Variants in CAMTA1 observed in about 807,000 individuals in gnomAD.
The protein encoded by CAMTA1 is calmodulin binding transcription activator 1, also known as calmodulin-binding transcription activator 1.
A neutral mutation model predicts 170.9 loss-of-function variants in CAMTA1; 27 were observed. The ratio of observed to expected loss-of-function variants is 0.16; its 90% confidence interval spans 0.12 to 0.22. The LOEUF is 0.22. Among genes scored for constraint, CAMTA1 ranks in the 10% least tolerant of loss-of-function variants. CAMTA1 has a pLI of 1.00. For missense variants in CAMTA1, 1,619 were observed against 2,217.2 expected (o/e 0.73, Z 5.42); for synonymous variants, 833 against 891.5 (o/e 0.93, Z 1.17).
intron 3 of CAMTA1, among the ~76,000 whole-genome samples, chr1:6,850,902 C>T (rs962239905): frequency 1.3e-5 from 2 of 152,190 alleles, no homozygotes; most frequent in African/African-American, 4.8e-5. Context: ...TAGCTCCTAA[C>T]AGGTATTGAA....
At chr1:7,533,133 G>A (rs1480207563) in intron 6 of CAMTA1, among the ~76,000 whole-genome samples, 1 of 152,204 alleles carries the variant, frequency 6.6e-6, no homozygotes, top group African/African-American at 2.4e-5. Flanking sequence ...CAGTGGGGAT[G>A]TGCCCAGGAG....
intron 5 of CAMTA1, among the ~76,000 whole-genome samples, chr1:7,323,547 A>T (rs1363081960): frequency 4.0e-5 from 5 of 124,226 alleles, no homozygotes; most frequent in African/African-American, 1.5e-4. Flanking sequence ...TTTTGAGATG[A>T]AGTCTCACTC....
rs1308345349 is a variant in CAMTA1, at chr1:7,293,386, C to T, written c.438+43760C>T. 1.3e-5 allele frequency among the ~76,000 whole-genome samples: 2 copies of T among 152,104 alleles called. No individual in the cohort carries two copies. The highest frequency in any genetic ancestry group is 2.4e-5 in the African/African-American group (1 of 41,386). On this transcript the variant is annotated intron_variant, in intron 5 of 22. Coordinates refer to ENST00000303635, the MANE Select transcript of CAMTA1 (RefSeq NM_015215.4). The surrounding 1 kb of genome is among the most constrained non-coding windows in gnomAD (Gnocchi z 4.1). ...TCAGGGCTGGCATTTCTCTGGCACT[C>T]GGTGTGAGCAAAGCCCATTTGGTCG...
chr1:7,036,723 C>A (rs539770480), intron 3 of CAMTA1, among the ~76,000 whole-genome samples: 4 of 152,298 alleles, frequency 2.6e-5, no homozygotes, highest in African/African-American at 9.6e-5. Context: ...AACCTATTTT[C>A]GGGCATAGTT....
Position 6,866,384 on chromosome 1 carries a change from A to G in CAMTA1, c.234+41174A>G, listed in dbSNP as rs142505850. Among the ~76,000 whole-genome samples the G allele has an allele frequency of 1.6e-4, 24 of 152,342 alleles. 1 individual carries two copies. In the East Asian group the frequency reaches 4.4e-3, roughly 28 times the overall value. ...ACTCCTTGATGATCCAGACTGCCCT[A>G]CAGGAAGCCAGTGGAAAGATGAAAG... On this transcript the variant is annotated intron_variant, in intron 3 of 22. Transcript: ENST00000303635.
intron 5 of CAMTA1, among the ~76,000 whole-genome samples, chr1:7,432,281 AG>A (rs2092196131): frequency 6.6e-6 from 1 of 152,184 alleles, no homozygotes; most frequent in Admixed American, 6.5e-5. Flanking sequence ...AAACAGGCCC[AG>A]AGAGGGAAAG....
chr1:7,001,892 T>G (rs1329939579), intron 3 of CAMTA1, among the ~76,000 whole-genome samples: 1 of 116,608 alleles, frequency 8.6e-6, no homozygotes, highest in Non-Finnish European at 1.7e-5. Context: ...CTTCTTCTTC[T>G]TCTTCTTTTT....
intron 3 of CAMTA1, among the ~76,000 whole-genome samples, chr1:7,004,899 C>A (rs927145659): frequency 6.6e-6 from 1 of 152,194 alleles, no homozygotes; most frequent in Non-Finnish European, 1.5e-5. Context: ...TCCTGAATAG[C>A]TGGGATTACA....
intron 5 of CAMTA1, among the ~76,000 whole-genome samples, chr1:7,283,474 G>C (rs140908603): frequency 6.6e-6 from 1 of 152,218 alleles, no homozygotes; most frequent in African/African-American, 2.4e-5. Flanking sequence ...TTCTGTCCCA[G>C]TCCTCTTCTC....
At chr1:7,684,123 G>A (rs1034945014) in intron 11 of CAMTA1, among the ~76,000 whole-genome samples, 2 of 152,236 alleles carry the variant, frequency 1.3e-5, no homozygotes, top group South Asian at 2.1e-4. Flanking sequence ...GTGCCCTGCG[G>A]AGAAATGGCC....
chr1:7,663,960 C>T lies in CAMTA1; in HGVS notation c.1413C>T (p.Asp471=), dbSNP rs777871796. The change falls in exon 9 of 23, where the codon GAC becomes GAT. Residue 471 remains aspartate (D), a synonymous_variant. Coordinates refer to ENST00000303635, the MANE Select transcript of CAMTA1 (RefSeq NM_015215.4). ...AGCTGGTCCTCTCCACCACCCTCGA[C>T]GGTGGCCGGAAGATTCCAGAAACCA... is the stretch of plus-strand genomic sequence containing the variant. ...SEELVLSTTL[D]GGRKIPETTM... is the part of the protein sequence containing the mutation. 6.2e-6 allele frequency: 10 copies of T among 1,613,722 alleles called. No homozygotes were observed. Among genetic ancestry groups the T allele is most frequent in the African/African-American group, 1.3e-5 (1 of 74,936 alleles).
At chr1:7,197,530 G>A (rs2148985738) in intron 4 of CAMTA1, among the ~76,000 whole-genome samples, 1 of 151,756 alleles carries the variant, frequency 6.6e-6, no homozygotes, top group African/African-American at 2.4e-5. Context: ...CTGGGACCAG[G>A]GGGATGACTG....
chr1:7,357,733 G>A (rs143174259), intron 5 of CAMTA1, among the ~76,000 whole-genome samples: 143 of 152,102 alleles, frequency 9.4e-4, no homozygotes, highest in South Asian at 2.5e-3. Context: ...TGTGTTTTTC[G>A]TCCTTAGGGT....
intron 6 of CAMTA1, among the ~76,000 whole-genome samples, chr1:7,497,763 G>A (rs2093854200): frequency 6.6e-6 from 1 of 152,214 alleles, no homozygotes; most frequent in African/African-American, 2.4e-5. Context: ...GCAGGAGAGA[G>A]CAGACGGACT....
chr1:6,987,622 C>T (rs146906106), intron 3 of CAMTA1, among the ~76,000 whole-genome samples: 159 of 152,246 alleles, frequency 1.0e-3, no homozygotes, highest in African/African-American at 3.5e-3. Context: ...AAGTTCTGAC[C>T]GGAACAAACA....
intron 3 of CAMTA1, among the ~76,000 whole-genome samples, chr1:6,892,537 G>A (rs1188249199): frequency 6.6e-6 from 1 of 151,524 alleles, no homozygotes; most frequent in African/African-American, 2.4e-5. Context: ...ATGTCTTATT[G>A]AAACCTTGGG....
chr1:7,666,017 A>C (rs2095997963), intron 9 of CAMTA1, among the ~76,000 whole-genome samples: 1 of 151,960 alleles, frequency 6.6e-6, no homozygotes, highest in Non-Finnish European at 1.5e-5. Context: ...AAAATACAAA[A>C]AATTAACTGG....
chr1:7,651,449 T>C (rs74336519), intron 7 of CAMTA1, among the ~76,000 whole-genome samples: 6,205 of 152,168 alleles, frequency 0.041, 458 homozygotes, highest in East Asian at 0.2. Context: ...TTCCAAGAGT[T>C]ACTGCCCCAC....
chr1:7,233,741 G>T (rs1663269893), intron 4 of CAMTA1, among the ~76,000 whole-genome samples: 1 of 152,140 alleles, frequency 6.6e-6, no homozygotes, highest in South Asian at 2.1e-4. Context: ...ATTCTCGGAG[G>T]ATCCACAAAG....
Sources: gnomAD v4.1 joint callset for allele counts (sites outside exome capture counted in the v4.1 genomes callset) on GRCh38, gnomAD v4.1.1 for gene constraint, Gnocchi (gnomAD v3.1) non-coding constraint, MANE v1.5 for transcripts, NCBI Gene and HGNC (gene_info 2026-07-23, HGNC 2026-07-21) for gene names.